Variants in DEK observed in about 807,000 individuals in gnomAD.
The protein encoded by DEK is DEK proto-oncogene.
A neutral mutation model predicts 46.8 loss-of-function variants in DEK; 28 were observed. That is an observed-to-expected ratio of 0.60 (90% CI 0.44 to 0.82). The LOEUF is 0.82. Ranked by LOEUF, DEK falls within the 40% of genes least tolerant of loss-of-function variation. The probability of loss-of-function intolerance (pLI) is 0.00; values close to 1 mark genes in which losing one functional copy is unlikely to be tolerated. For missense variants in DEK, 416 were observed against 430.6 expected (o/e 0.97, Z 0.30); for synonymous variants, 160 against 144.5 (o/e 1.11, Z -0.77).
chr6:18,239,775 G>A (rs1265630374), intron 7 of DEK, among the ~76,000 whole-genome samples: 1 of 151,942 alleles, frequency 6.6e-6, no homozygotes, highest in African/African-American at 2.4e-5. Flanking sequence ...TTTTTATGAC[G>A]AACTTAAACT....
In DEK at chr6:18,236,746, A is replaced by G. The variant is rs1790668437; in HGVS notation, c.899-146T>C. ...AATCACTACTCTACAGTTACCTATA[A>G]AACATGCATACAAATTTTAGTCAAT... On this transcript the variant is annotated intron_variant, in intron 8 of 10. Coordinates refer to ENST00000652689, the MANE Select transcript of DEK (RefSeq NM_003472.4). 5 of 509,278 alleles carry G rather than the reference A, an allele frequency of 9.8e-6. No individual in the cohort carries two copies. In the Admixed American group the frequency reaches 1.2e-4, roughly 13 times the overall value. 31.5% of individuals were successfully genotyped at this position (509,278 alleles called of 1,614,324 possible).
chr6:18,243,152 T>C (rs545434876), intron 7 of DEK, among the ~76,000 whole-genome samples: 1 of 152,266 alleles, frequency 6.6e-6, no homozygotes, highest in South Asian at 2.1e-4. Context: ...ATATTTATTA[T>C]AACCTCAAAT....
In DEK at chr6:18,224,960, CTGTT is replaced by C. The variant is rs1790043273; in HGVS notation, c.*755_*758del. The C allele has an allele frequency of 4.6e-6, 1 of 216,756 alleles. No homozygotes were observed. The highest frequency in any genetic ancestry group is 1.9e-4 in the South Asian group (1 of 5,382). The allele number at this position is 216,756 out of a possible 1,614,324, so 13.4% of individuals were successfully genotyped here. On this transcript the variant is annotated 3_prime_UTR_variant, in exon 11 of 11. Coordinates refer to ENST00000652689, the MANE Select transcript of DEK (RefSeq NM_003472.4). ...ACACTTTCGAGGCAAAGCAGGGTAA[CTGTT>C]CCTTCAGTGTTGCCATCACTGAATT...
At chr6:18,234,177 G>C (rs1790543019) in intron 9 of DEK, among the ~76,000 whole-genome samples, 2 of 148,220 alleles carry the variant, frequency 1.3e-5, no homozygotes, top group Middle Eastern at 3.4e-3. Context: ...TCACACATCG[G>C]GGCCTGTTGT....
intron 9 of DEK, among the ~76,000 whole-genome samples, chr6:18,229,595 A>G (rs1317549713): frequency 6.6e-6 from 1 of 152,230 alleles, no homozygotes; most frequent in Non-Finnish European, 1.5e-5. Flanking sequence ...AAGCTTCAGT[A>G]GCCGATTCGA....
chr6:18,260,306 A>G (rs1791799444), intron 2 of DEK, among the ~76,000 whole-genome samples: 1 of 152,194 alleles, frequency 6.6e-6, no homozygotes, highest in Admixed American at 6.5e-5. Context: ...TACAGATGCA[A>G]CCATCCATTT....
chr6:18,230,684 T>G (rs1790375890), intron 9 of DEK, among the ~76,000 whole-genome samples: 1 of 152,214 alleles, frequency 6.6e-6, no homozygotes, highest in Admixed American at 6.5e-5. Flanking sequence ...CTAACTATCC[T>G]AAATATATAT....
At chr6:18,231,455 A>T (rs1169207721) in intron 9 of DEK, among the ~76,000 whole-genome samples, 1 of 152,218 alleles carries the variant, frequency 6.6e-6, no homozygotes, top group Non-Finnish European at 1.5e-5. Flanking sequence ...AAGATCAATA[A>T]AATTGATAGA....
At chr6:18,225,772 C>A (rs771398092) in intron 10 of DEK, 42 bp from the exon 11 acceptor site, 10 of 1,608,148 alleles carry the variant, frequency 6.2e-6, no homozygotes, top group African/African-American at 5.4e-5. Flanking sequence ...AAATCATAAA[C>A]CTTTATCCCA....
chr6:18,247,715 A>G (rs1791185837), intron 7 of DEK, among the ~76,000 whole-genome samples: 1 of 151,718 alleles, frequency 6.6e-6, no homozygotes, highest in Non-Finnish European at 1.5e-5. Context: ...CTCGTTGCTC[A>G]GGCTGGAGAA....
intron 7 of DEK, among the ~76,000 whole-genome samples, chr6:18,245,200 C>T (rs957314738): frequency 3.9e-5 from 6 of 152,210 alleles, no homozygotes; most frequent in African/African-American, 1.2e-4. Context: ...ACCTTTTGCT[C>T]TTCCTTATCT....
intron 2 of DEK, among the ~76,000 whole-genome samples, chr6:18,261,398 C>T (rs1047294937): frequency 3.3e-5 from 5 of 152,146 alleles, no homozygotes; most frequent in Non-Finnish European, 7.3e-5. Flanking sequence ...CATGGAGAAA[C>T]CTTGTCTCTA....
chr6:18,256,336 T>G, intron 5 of DEK, 25 bp downstream of exon 5: 1 of 1,564,682 alleles, frequency 6.4e-7, no homozygotes, highest in Non-Finnish European at 8.8e-7. Flanking sequence ...TTGATCAAAA[T>G]ACAGTATTTA....
chr6:18,226,678 G>A (rs2151075287), intron 9 of DEK, among the ~76,000 whole-genome samples: 1 of 152,336 alleles, frequency 6.6e-6, no homozygotes, highest in East Asian at 1.9e-4. Flanking sequence ...TACTGAGGAG[G>A]GTGAAGCAGG....
intron 6 of DEK, among the ~76,000 whole-genome samples, chr6:18,254,406 C>T (rs1472690908): frequency 6.6e-6 from 1 of 152,138 alleles, no homozygotes; most frequent in East Asian, 1.9e-4. Flanking sequence ...GGTAATCAAG[C>T]TGTTTTCTCT....
chr6:18,228,869 G>T (rs1790264209), intron 9 of DEK, among the ~76,000 whole-genome samples: 1 of 152,208 alleles, frequency 6.6e-6, no homozygotes, highest in Admixed American at 6.5e-5. Flanking sequence ...AAACAAAGCT[G>T]CGAGGAAGCT....
intron 6 of DEK, 105 bp downstream of exon 6, chr6:18,255,626 G>T: frequency 2.3e-6 from 3 of 1,306,084 alleles, no homozygotes; most frequent in Non-Finnish European, 3.1e-6. Flanking sequence ...TTTGAATGTA[G>T]ATATGAACGA....
chr6:18,240,391 A>G (rs1790848899), intron 7 of DEK, among the ~76,000 whole-genome samples: 1 of 152,268 alleles, frequency 6.6e-6, no homozygotes, highest in African/African-American at 2.4e-5. Flanking sequence ...AATAGTTCAA[A>G]GAGTACAGGC....
intron 7 of DEK, among the ~76,000 whole-genome samples, chr6:18,239,995 GAGCA>G (rs774131176): frequency 1.4e-4 from 22 of 152,274 alleles, no homozygotes; most frequent in Non-Finnish European, 2.9e-4. Context: ...GTTGAAGGTT[GAGCA>G]AAAGAAACAA....
Sources: allele counts gnomAD v4.1 joint callset (sites outside exome capture counted in the v4.1 genomes callset), GRCh38; gene constraint gnomAD v4.1.1; transcripts MANE v1.5; gene names NCBI Gene and HGNC (gene_info 2026-07-23, HGNC 2026-07-21).